ATP2B2: variants seen among roughly 807,000 people sequenced by gnomAD.
The protein encoded by ATP2B2 is plasma membrane calcium-transporting ATPase 2.
ATP2B2 carries 15 observed loss-of-function variants against 120.0 expected under a neutral mutation model. The ratio of observed to expected loss-of-function variants is 0.12; its 90% confidence interval spans 0.08 to 0.19. ATP2B2 has a LOEUF of 0.19. Among genes scored for constraint, ATP2B2 ranks in the 10% least tolerant of loss-of-function variants. The pLI, the probability that ATP2B2 is intolerant of heterozygous loss-of-function variation, is 1.00. For missense variants in ATP2B2, 1,045 were observed against 1,719.8 expected (o/e 0.61, Z 6.94); for synonymous variants, 694 against 700.3 (o/e 0.99, Z 0.14).
At chr3:10,605,583 A>T (rs1035625112) in intron 2 of ATP2B2, among the ~76,000 whole-genome samples, 1 of 151,928 alleles carries the variant, frequency 6.6e-6, no homozygotes, top group Non-Finnish European at 1.5e-5. Context: ...GTGAGGCTGG[A>T]GCTGGAGGAT....
Position 10,402,160 on chromosome 3 carries a change from G to A in ATP2B2, c.586C>T (p.Arg196Trp), listed in dbSNP as rs2062244427. 1.2e-6 allele frequency: 2 copies of A among 1,614,182 alleles called. No individual in the cohort carries two copies. Among genetic ancestry groups the A allele is most frequent in the Non-Finnish European group, 1.7e-6 (2 of 1,180,034 alleles). The change falls in exon 4 of 23, where the codon CGG (arginine) becomes TGG (tryptophan). Residue 196 changes from arginine to tryptophan, a missense_variant. By Grantham distance (101) the Arg-to-Trp change is moderately radical. Coordinates refer to ENST00000360273, the MANE Select transcript of ATP2B2 (RefSeq NM_001001331.4). The surrounding 1 kb of genome is among the most constrained non-coding windows in gnomAD (Gnocchi z 4.9). ...GGGATCTGGACCACCTGGCCAGCCC[G>A]GACCACGGTAAATTTCTGTTCCTGC... ...IEQEQKFTVV[R>W]AGQVVQIPVA...
intron 1 of ATP2B2, among the ~76,000 whole-genome samples, chr3:10,645,685 C>A (rs925546769): frequency 6.6e-6 from 1 of 152,212 alleles, no homozygotes; most frequent in Non-Finnish European, 1.5e-5. Context: ...TGAATTGAGT[C>A]TGCATCTGTC....
intron 2 of ATP2B2, among the ~76,000 whole-genome samples, chr3:10,419,595 A>G (rs1352317096): frequency 7.2e-5 from 11 of 152,162 alleles, no homozygotes; most frequent in Non-Finnish European, 7.4e-5. Flanking sequence ...TGAGTGGATC[A>G]CTCAGCCTCT....
chr3:10,536,959 G>A lies in ATP2B2; in HGVS notation c.-414-2826C>T, dbSNP rs577457934. Among the ~76,000 whole-genome samples, 9 of 152,198 alleles carry A rather than the reference G, an allele frequency of 5.9e-5. 1 individual carries two copies. Among genetic ancestry groups the A allele is most frequent in the African/African-American group, 1.7e-4 (7 of 41,514 alleles). The stretch of plus-strand genomic sequence containing the variant: ...TATCATTTTCATTATTTTTTCCTAC[G>A]GATGTCCAATTGCTCTAGCACCATT... On this transcript the variant is annotated intron_variant, in intron 2 of 21. Transcript: ENST00000646379.
chr3:10,426,955 TG>T (rs1274037475), intron 2 of ATP2B2, among the ~76,000 whole-genome samples: 1 of 152,030 alleles, frequency 6.6e-6, no homozygotes, highest in African/African-American at 2.4e-5. Flanking sequence ...AGGTCCCTCG[TG>T]AAAGTTGATT....
chr3:10,592,570 C>T (rs2068669467), intron 2 of ATP2B2, among the ~76,000 whole-genome samples: 1 of 152,040 alleles, frequency 6.6e-6, no homozygotes, highest in Non-Finnish European at 1.5e-5. Context: ...ATTTTTTTTC[C>T]TCCCATATCT....
At chr3:10,477,436 A>G (rs2065247013) in intron 1 of ATP2B2, among the ~76,000 whole-genome samples, 2 of 152,242 alleles carry the variant, frequency 1.3e-5, no homozygotes, top group South Asian at 4.1e-4. Context: ...TTTTAAGTGC[A>G]CAGTTCAGTG....
chr3:10,501,139 C>T (rs537053064), intron 1 of ATP2B2, among the ~76,000 whole-genome samples: 21 of 152,292 alleles, frequency 1.4e-4, no homozygotes, highest in African/African-American at 4.8e-4. Flanking sequence ...TGGTCACTTG[C>T]CCTCCTGGTC....
chr3:10,672,608 G>A (rs567455315), intron 1 of ATP2B2, among the ~76,000 whole-genome samples: 7 of 152,320 alleles, frequency 4.6e-5, no homozygotes, highest in African/African-American at 1.7e-4. Flanking sequence ...CGTGGGCCCA[G>A]GATGCTGTCA....
chr3:10,591,190 C>T (rs1398724980), intron 2 of ATP2B2, among the ~76,000 whole-genome samples: 2 of 152,114 alleles, frequency 1.3e-5, no homozygotes, highest in African/African-American at 2.4e-5. Context: ...AACAGGTCTT[C>T]TGTGAATGTG....
intron 1 of ATP2B2, among the ~76,000 whole-genome samples, chr3:10,679,701 T>A (rs1223041292): frequency 1.3e-5 from 2 of 152,244 alleles, no homozygotes; most frequent in African/African-American, 4.8e-5. Context: ...CAGGTAATTC[T>A]ATACAGCAGC....
At chr3:10,518,198 A>T (rs934512468) in intron 3 of ATP2B2, among the ~76,000 whole-genome samples, 5 of 152,184 alleles carry the variant, frequency 3.3e-5, no homozygotes, top group African/African-American at 1.2e-4. Context: ...TTTTAGAAAC[A>T]TATGTATCTC....
At chr3:10,590,797 C>T (rs57814040) in intron 2 of ATP2B2, among the ~76,000 whole-genome samples, 4,971 of 152,232 alleles carry the variant, frequency 0.033, 260 homozygotes, top group African/African-American at 0.11. Flanking sequence ...CATGTGCACC[C>T]GTGCATGTGC....
intron 12 of ATP2B2, among the ~76,000 whole-genome samples, chr3:10,367,953 A>G (rs1405049170): frequency 2.0e-5 from 3 of 152,192 alleles, no homozygotes; most frequent in Non-Finnish European, 4.4e-5. Context: ...CACACAGGTG[A>G]TGAGTGTTGG....
intron 2 of ATP2B2, among the ~76,000 whole-genome samples, chr3:10,567,806 A>C (rs551538070): frequency 6.6e-6 from 1 of 152,140 alleles, no homozygotes; most frequent in African/African-American, 2.4e-5. Flanking sequence ...GAGGGCTGAG[A>C]CTGCGTTTCA....
intron 2 of ATP2B2, among the ~76,000 whole-genome samples, chr3:10,420,977 GA>G: frequency 6.6e-6 from 1 of 152,318 alleles, no homozygotes; most frequent in African/African-American, 2.4e-5. Flanking sequence ...AGCAGGGGAT[GA>G]AAACTTAGTG....
At chr3:10,487,899 T>C (rs1395895261) in intron 1 of ATP2B2, among the ~76,000 whole-genome samples, 2 of 152,178 alleles carry the variant, frequency 1.3e-5, no homozygotes, top group African/African-American at 4.8e-5. Flanking sequence ...CGAAGTCCAC[T>C]TGTTTTCTTC....
chr3:10,553,211 C>T (rs1353873305), intron 2 of ATP2B2, among the ~76,000 whole-genome samples: 1 of 152,192 alleles, frequency 6.6e-6, no homozygotes, highest in African/African-American at 2.4e-5. Flanking sequence ...CTGAGAATTG[C>T]AAGGTTCTAG....
At chr3:10,466,319 T>C (rs1276781240) in intron 1 of ATP2B2, among the ~76,000 whole-genome samples, 1 of 152,244 alleles carries the variant, frequency 6.6e-6, no homozygotes, top group African/African-American at 2.4e-5. Flanking sequence ...TACGTGTGCA[T>C]GCATAGATGC....
Sources: gnomAD v4.1 joint callset for allele counts (sites outside exome capture counted in the v4.1 genomes callset) on GRCh38, gnomAD v4.1.1 for gene constraint, Gnocchi (gnomAD v3.1) non-coding constraint, MANE v1.5 for transcripts, NCBI Gene and HGNC (gene_info 2026-07-23, HGNC 2026-07-21) for gene names.